Variants in PTPRD observed in about 807,000 individuals in gnomAD.
PTPRD encodes the protein receptor-type tyrosine-protein phosphatase delta.
Under a neutral mutation model 214.5 loss-of-function variants are expected in PTPRD, and 34 were observed. That is an observed-to-expected ratio of 0.16 (90% CI 0.12 to 0.21). The LOEUF (loss-of-function observed/expected upper bound fraction) is 0.21, where lower values mean the gene tolerates loss of function less well. Ranked by LOEUF, PTPRD falls within the 10% of genes least tolerant of loss-of-function variation. The pLI, the probability that PTPRD is intolerant of heterozygous loss-of-function variation, is 1.00. For missense variants in PTPRD, 2,545 were observed against 2,398.7 expected, an observed-to-expected ratio of 1.06 and a Z score of -1.27; for synonymous variants, 1,128 against 845.7, an observed-to-expected ratio of 1.33 and a Z score of -5.79.
At chr9:8,652,845 T>C (rs1374781846) in intron 12 of PTPRD, among the ~76,000 whole-genome samples, 1 of 152,182 alleles carries the variant, frequency 6.6e-6, no homozygotes, top group African/African-American at 2.4e-5. Context: ...CACATGAGAT[T>C]CTAGATGAAT....
intron 3 of PTPRD, among the ~76,000 whole-genome samples, chr9:10,209,959 C>G (rs555345933): frequency 1.7e-4 from 26 of 152,136 alleles, no homozygotes; most frequent in Admixed American, 7.9e-4. Flanking sequence ...ATGTAACAAT[C>G]AGTACCAAGA....
intron 4 of PTPRD, among the ~76,000 whole-genome samples, chr9:9,956,118 C>A (rs957356380): frequency 1.3e-5 from 2 of 152,036 alleles, no homozygotes; most frequent in Non-Finnish European, 2.9e-5. Context: ...AATGTCCAAT[C>A]TAATATATGG....
intron 8 of PTPRD, among the ~76,000 whole-genome samples, chr9:9,525,146 C>G (rs113252856): frequency 2.0e-5 from 3 of 152,154 alleles, no homozygotes; most frequent in African/African-American, 7.2e-5. Context: ...CGTGAGCCAC[C>G]GCCCGGTCGG....
At chr9:8,349,180 G>A (rs1229389486) in intron 39 of PTPRD, among the ~76,000 whole-genome samples, 3 of 152,158 alleles carry the variant, frequency 2.0e-5, no homozygotes, top group Non-Finnish European at 4.4e-5. Flanking sequence ...ATAAAGTAAT[G>A]CTTATAATTT....
chr9:10,168,703 C>A (rs2099175906), intron 3 of PTPRD, among the ~76,000 whole-genome samples: 1 of 152,182 alleles, frequency 6.6e-6, no homozygotes, highest in Non-Finnish European at 1.5e-5. Flanking sequence ...CTGTCACTCA[C>A]TAATTCAATG....
At chr9:8,536,545 G>C (rs2076975856) in intron 14 of PTPRD, among the ~76,000 whole-genome samples, 1 of 151,972 alleles carries the variant, frequency 6.6e-6, no homozygotes, top group Non-Finnish European at 1.5e-5. Context: ...CTGTTAGCCA[G>C]TACAAGGTAG....
intron 8 of PTPRD, among the ~76,000 whole-genome samples, chr9:9,557,786 C>G (rs2081904354): frequency 6.6e-6 from 1 of 152,292 alleles, no homozygotes; most frequent in African/African-American, 2.4e-5. Context: ...TCCCATGTGT[C>G]AGGTCCTGGA....
At chr9:8,500,315 G>T (rs2097366847) in intron 24 of PTPRD, among the ~76,000 whole-genome samples, 1 of 151,212 alleles carries the variant, frequency 6.6e-6, no homozygotes, top group Non-Finnish European at 1.5e-5. Context: ...CCATACAAAA[G>T]ATGCCAAAAA....
intron 14 of PTPRD, among the ~76,000 whole-genome samples, chr9:8,563,736 A>G (rs558475073): frequency 7.9e-5 from 12 of 152,122 alleles, no homozygotes; most frequent in African/African-American, 2.9e-4. Flanking sequence ...ATCTCAGCTC[A>G]TTGCAACCTC....
intron 10 of PTPRD, among the ~76,000 whole-genome samples, chr9:9,076,617 C>T (rs547344604): frequency 1.4e-4 from 22 of 152,124 alleles, no homozygotes; most frequent in African/African-American, 4.8e-4. Flanking sequence ...TCTGTTGTTG[C>T]AAATGACAGG....
intron 9 of PTPRD, among the ~76,000 whole-genome samples, chr9:9,209,062 C>A (rs1052575967): frequency 1.3e-4 from 20 of 152,070 alleles, no homozygotes; most frequent in African/African-American, 4.8e-4. Context: ...CCCGCCTTGG[C>A]CTCCCAAAGT....
At chr9:10,068,908 A>G (rs1234335215) in intron 3 of PTPRD, among the ~76,000 whole-genome samples, 1 of 152,060 alleles carries the variant, frequency 6.6e-6, no homozygotes, top group African/African-American at 2.4e-5. Context: ...ATTTGAAATA[A>G]AAGCCATCCT....
chr9:9,787,403 T>C (rs907798031), intron 5 of PTPRD, among the ~76,000 whole-genome samples: 5 of 145,168 alleles, frequency 3.4e-5, no homozygotes, highest in South Asian at 2.3e-4. Flanking sequence ...ATTCAGGAAG[T>C]GTTTATGTCA....
At chr9:9,446,287 T>G (rs1455754177) in intron 8 of PTPRD, among the ~76,000 whole-genome samples, 1 of 152,122 alleles carries the variant, frequency 6.6e-6, no homozygotes, top group African/African-American at 2.4e-5. Context: ...TCCCAAGTGT[T>G]GAGGATTTAA....
At chr9:9,436,108 T>C (rs545006220) in intron 8 of PTPRD, among the ~76,000 whole-genome samples, 1 of 152,318 alleles carries the variant, frequency 6.6e-6, no homozygotes, top group East Asian at 1.9e-4. Flanking sequence ...ATAAATATTC[T>C]GTAGGATGAC....
In PTPRD at chr9:8,525,023, A is replaced by G. The variant is rs1335342823; in HGVS notation, c.581T>C (p.Ile194Thr). 6.2e-7 allele frequency: 1 copy of G among 1,613,396 alleles called. No homozygotes were observed. The highest frequency in any genetic ancestry group is 8.5e-7 in the Non-Finnish European group (1 of 1,179,462). Residue 194 changes from isoleucine (I) to threonine (T), a missense_variant, in exon 18 of 46, where the codon ATT (isoleucine) becomes ACT (threonine). Physicochemically the swap from Ile to Thr is moderately conservative, Grantham distance 89. Coordinates refer to ENST00000381196, the MANE Select transcript of PTPRD (RefSeq NM_002839.4). ...TTGGTCAGACTCTTCACTCTGCTCA[A>G]TCTGAAGGGCTCCTGTATGGATATA... Reference protein sequence around the residue: ...GGTPIRGALQIEQSEESDQGK... With the variant: ...GGTPIRGALQTEQSEESDQGK...
At chr9:8,448,940 A>G (rs1310543409) in intron 34 of PTPRD, among the ~76,000 whole-genome samples, 1 of 152,182 alleles carries the variant, frequency 6.6e-6, no homozygotes, top group African/African-American at 2.4e-5. Flanking sequence ...ATAACATATT[A>G]AGATAGGGTC....
At chr9:9,826,994 A>T (rs1212997965) in intron 5 of PTPRD, among the ~76,000 whole-genome samples, 1 of 152,162 alleles carries the variant, frequency 6.6e-6, no homozygotes, top group Admixed American at 6.6e-5. Context: ...CTGCTCAATG[A>T]AATAAATGAG....
chr9:10,201,808 GA>G (rs1035585615), intron 3 of PTPRD, among the ~76,000 whole-genome samples: 9 of 151,796 alleles, frequency 5.9e-5, no homozygotes, highest in Non-Finnish European at 1.2e-4. Context: ...AACATTTTAA[GA>G]ACAAATACAT....
Sources: gnomAD v4.1 joint callset for allele counts (sites outside exome capture counted in the v4.1 genomes callset) on GRCh38, gnomAD v4.1.1 for gene constraint, MANE v1.5 for transcripts, NCBI Gene and HGNC (gene_info 2026-07-23, HGNC 2026-07-21) for gene names.